NALF1: variants seen among roughly 807,000 people sequenced by gnomAD.
NALF1 encodes the protein NALCN channel auxiliary factor 1, also known as family with sequence similarity 155 member A.
In NALF1, 3 loss-of-function variants were observed where a neutral mutation model predicts 48.4. That is an observed-to-expected ratio of 0.06 (90% CI 0.03 to 0.16). The LOEUF (loss-of-function observed/expected upper bound fraction) is 0.16, where lower values mean the gene tolerates loss of function less well. Among genes scored for constraint, NALF1 ranks in the 10% least tolerant of loss-of-function variants. The pLI is 1.00. For missense variants in NALF1, 526 were observed against 571.5 expected, an observed-to-expected ratio of 0.92 and a Z score of 0.81; for synonymous variants, 262 against 245.7, an observed-to-expected ratio of 1.07 and a Z score of -0.62.
intron 1 of NALF1, among the ~76,000 whole-genome samples, chr13:107,734,255 C>T (rs1180233968): frequency 1.3e-5 from 2 of 152,192 alleles, no homozygotes; most frequent in East Asian, 3.9e-4. Flanking sequence ...GTCTTGCCAC[C>T]ACATCACTTA....
chr13:107,400,708 T>TAAATA (rs71204824), intron 1 of NALF1, among the ~76,000 whole-genome samples: 66,273 of 150,452 alleles, frequency 0.44, 14,751 homozygotes, highest in Admixed American at 0.49. Context: ...TGTCTCAAAA[T>TAAATA]AAATAAAATA....
intron 1 of NALF1, among the ~76,000 whole-genome samples, chr13:107,247,877 A>C (rs1229143139): frequency 6.6e-6 from 1 of 152,184 alleles, no homozygotes; most frequent in Non-Finnish European, 1.5e-5. Flanking sequence ...CGAGCTGAAT[A>C]TAAATCAGTT....
At chr13:107,786,132 A>C (rs1294710115) in intron 1 of NALF1, among the ~76,000 whole-genome samples, 1 of 152,066 alleles carries the variant, frequency 6.6e-6, no homozygotes, top group Non-Finnish European at 1.5e-5. Context: ...CAAGAGAATT[A>C]ATGGGCAGGG....
At chr13:107,559,697 C>A (rs181127634) in intron 1 of NALF1, among the ~76,000 whole-genome samples, 5 of 152,274 alleles carry the variant, frequency 3.3e-5, no homozygotes, top group Admixed American at 2.6e-4. Context: ...GCATCAGCAT[C>A]AAACCTTTGC....
chr13:107,204,962 T>C (rs1406421661), intron 2 of NALF1, among the ~76,000 whole-genome samples: 1 of 152,142 alleles, frequency 6.6e-6, no homozygotes, highest in Non-Finnish European at 1.5e-5. Context: ...TAGAGGTATT[T>C]TTTTTTTCTA....
intron 1 of NALF1, among the ~76,000 whole-genome samples, chr13:107,381,929 C>G (rs1387351177): frequency 6.6e-6 from 1 of 152,166 alleles, no homozygotes; most frequent in Non-Finnish European, 1.5e-5. Flanking sequence ...TCCCCAAGCA[C>G]TTTTCTCTGG....
At chr13:107,244,993 G>T (rs1459114800) in intron 1 of NALF1, among the ~76,000 whole-genome samples, 1 of 152,138 alleles carries the variant, frequency 6.6e-6, no homozygotes, top group Non-Finnish European at 1.5e-5. Context: ...GGCTGAGCAA[G>T]AATATTGTCA....
intron 1 of NALF1, among the ~76,000 whole-genome samples, chr13:107,296,036 A>G (rs1320753831): frequency 1.3e-5 from 2 of 152,218 alleles, no homozygotes; most frequent in East Asian, 3.9e-4. Flanking sequence ...TGTGGGCAAC[A>G]TTGAAAACAT....
intron 1 of NALF1, among the ~76,000 whole-genome samples, chr13:107,654,697 A>C (rs1405475314): frequency 2.0e-5 from 3 of 152,212 alleles, no homozygotes; most frequent in South Asian, 2.1e-4. Context: ...AACAAAAAAA[A>C]AAGAAAACTA....
intron 1 of NALF1, among the ~76,000 whole-genome samples, chr13:107,774,692 C>T (rs1482482156): frequency 1.3e-5 from 2 of 152,150 alleles, no homozygotes; most frequent in African/African-American, 2.4e-5. Context: ...TGCAAAGCTT[C>T]AGTGCTAGGT....
chr13:107,189,622 T>C (rs976959273), intron 2 of NALF1, among the ~76,000 whole-genome samples: 2 of 152,198 alleles, frequency 1.3e-5, no homozygotes, highest in African/African-American at 4.8e-5. Context: ...GACTTGTGTC[T>C]TTCCTTCCTA....
chr13:107,652,104 T>C (rs1248966724), intron 1 of NALF1, among the ~76,000 whole-genome samples: 6 of 152,128 alleles, frequency 3.9e-5, no homozygotes, highest in Non-Finnish European at 7.4e-5. Context: ...GCTTTAGCAC[T>C]AAAAAAAGAC....
At chr13:107,318,912 C>T (rs1338495634) in intron 1 of NALF1, among the ~76,000 whole-genome samples, 1 of 152,120 alleles carries the variant, frequency 6.6e-6, no homozygotes, top group African/African-American at 2.4e-5. Flanking sequence ...AGTATAATTG[C>T]TGCCATTTGT....
At chr13:107,240,739 T>C (rs1278762073) in intron 1 of NALF1, among the ~76,000 whole-genome samples, 1 of 152,088 alleles carries the variant, frequency 6.6e-6, no homozygotes, top group Non-Finnish European at 1.5e-5. Flanking sequence ...TATGTTTGAG[T>C]GTGGTTTCAA....
At chr13:107,758,622 G>C (rs1877182108) in intron 1 of NALF1, among the ~76,000 whole-genome samples, 1 of 152,118 alleles carries the variant, frequency 6.6e-6, no homozygotes, top group Non-Finnish European at 1.5e-5. Context: ...TCGGGAGGCT[G>C]ACACAGGAGA....
intron 2 of NALF1, among the ~76,000 whole-genome samples, chr13:107,206,836 CT>C (rs780578500): frequency 2.0e-5 from 3 of 152,076 alleles, no homozygotes; most frequent in Admixed American, 6.5e-5. Context: ...TTACAGAATA[CT>C]TTTTTTTGAG....
chr13:107,686,485 C>G (rs1243629239), intron 1 of NALF1, among the ~76,000 whole-genome samples: 2 of 152,056 alleles, frequency 1.3e-5, no homozygotes, highest in Non-Finnish European at 2.9e-5. Context: ...ACCTCCACCT[C>G]CAGGTTCAAG....
chr13:107,647,100 A>T (rs1417195460), intron 1 of NALF1, among the ~76,000 whole-genome samples: 1 of 152,088 alleles, frequency 6.6e-6, no homozygotes, highest in Non-Finnish European at 1.5e-5. Context: ...CTGGTTAAAT[A>T]CATGATATTA....
At chr13:107,369,530 TAA>T (rs1883213289) in intron 1 of NALF1, among the ~76,000 whole-genome samples, 1 of 152,100 alleles carries the variant, frequency 6.6e-6, no homozygotes, top group East Asian at 1.9e-4. Context: ...TACTTAATAA[TAA>T]GTTTAATAGA....
Sources: allele counts gnomAD v4.1 joint callset (sites outside exome capture counted in the v4.1 genomes callset), GRCh38; gene constraint gnomAD v4.1.1; transcripts MANE v1.5; gene names NCBI Gene and HGNC (gene_info 2026-07-23, HGNC 2026-07-21).